Variants in CFH observed in about 807,000 individuals in gnomAD.
The protein encoded by CFH is H factor 1 (complement).
CFH carries 53 observed loss-of-function variants against 147.3 expected under a neutral mutation model. That is an observed-to-expected ratio of 0.36 (90% CI 0.29 to 0.45). The LOEUF (loss-of-function observed/expected upper bound fraction) is 0.45. Among genes scored for constraint, CFH ranks in the 20% least tolerant of loss-of-function variants. The pLI is 1.00. For missense variants in CFH, 1,380 were observed against 1,498.0 expected (o/e 0.92, Z 1.30); for synonymous variants, 536 against 489.4 (o/e 1.10, Z -1.26).
At chr1:196,729,678 C>T (rs1316441817) in intron 15 of CFH, among the ~76,000 whole-genome samples, 2 of 150,908 alleles carry the variant, frequency 1.3e-5, no homozygotes, top group Non-Finnish European at 3.0e-5. Context: ...TTAGTCCTTT[C>T]TAAAATGTTG....
intron 6 of CFH, among the ~76,000 whole-genome samples, chr1:196,682,703 A>T (rs769461298): frequency 9.2e-5 from 14 of 151,692 alleles, no homozygotes; most frequent in Admixed American, 2.6e-4. Context: ...TTTAGGACTT[A>T]TTTGAAGTTA....
At chr1:196,728,890 T>C (rs992469396) in intron 15 of CFH, among the ~76,000 whole-genome samples, 2 of 152,080 alleles carry the variant, frequency 1.3e-5, no homozygotes, top group African/African-American at 4.8e-5. Context: ...TTTGTATATG[T>C]CTGTATGCAT....
At chr1:196,739,498 T>A (rs1181088016) in intron 17 of CFH, among the ~76,000 whole-genome samples, 14 of 152,168 alleles carry the variant, frequency 9.2e-5, no homozygotes, top group Admixed American at 9.2e-4. Context: ...CCAGTCTCTT[T>A]GCATAGCAGG....
At chr1:196,692,785 T>TTCC (rs1558163702) in intron 9 of CFH, among the ~76,000 whole-genome samples, 3 of 105,870 alleles carry the variant, frequency 2.8e-5, no homozygotes, top group African/African-American at 1.3e-4. Flanking sequence ...TTTCTTTCTT[T>TTCC]CTTTCTTTCT....
intron 3 of CFH, among the ~76,000 whole-genome samples, chr1:196,674,579 T>C (rs149265489): frequency 7.0e-6 from 1 of 143,836 alleles, no homozygotes; most frequent in African/African-American, 2.4e-5. Flanking sequence ...AGATGAAAAA[T>C]TATTTTGGAG....
intron 9 of CFH, among the ~76,000 whole-genome samples, chr1:196,704,098 G>C (rs995434509): frequency 4.0e-5 from 6 of 151,238 alleles, no homozygotes; most frequent in Non-Finnish European, 7.4e-5. Flanking sequence ...TTTGTTTTGA[G>C]ACAGAGTCTT....
At chr1:196,663,599 TATA>T (rs1666977705) in intron 1 of CFH, among the ~76,000 whole-genome samples, 1 of 152,198 alleles carries the variant, frequency 6.6e-6, no homozygotes. Context: ...TTTTCTCCCG[TATA>T]ATGTCTTTGA....
intron 2 of CFH, chr1:196,673,480 G>A (rs773360544): frequency 1.0e-5 from 4 of 385,892 alleles, no homozygotes; most frequent in East Asian, 6.3e-5. Context: ...GGGACTATAG[G>A]CACGTGCCAC....
chr1:196,743,911 C>T (rs1216987252), intron 20 of CFH, among the ~76,000 whole-genome samples: 2 of 152,034 alleles, frequency 1.3e-5, no homozygotes, highest in East Asian at 1.9e-4. Flanking sequence ...ATAAAAGATA[C>T]ATTATGTGCA....
chr1:196,660,182 A>G (rs1052482998), intron 1 of CFH, among the ~76,000 whole-genome samples: 4 of 152,204 alleles, frequency 2.6e-5, no homozygotes, highest in African/African-American at 4.8e-5. Context: ...GTCATCAGAA[A>G]TCTGTCGTAA....
intron 7 of CFH, among the ~76,000 whole-genome samples, 190 bp from the exon 8 acceptor site, chr1:196,689,230 A>T (rs1201686066): frequency 6.6e-6 from 1 of 152,116 alleles, no homozygotes; most frequent in Non-Finnish European, 1.5e-5. Flanking sequence ...TTTCATCTTC[A>T]TTAACAAAGA....
rs970465919 is a variant in CFH, at chr1:196,713,667, A to G, written c.1337-68A>G. The G allele has an allele frequency of 1.3e-5, 13 of 985,700 alleles. No individual in the cohort carries two copies. The African/African-American group carries it at 2.1e-4, about 16-fold the overall frequency. The allele number at this position is 985,700 out of a possible 1,614,324, so 61.1% of individuals were successfully genotyped here. On this transcript the variant is annotated intron_variant, in intron 9 of 21. Coordinates refer to ENST00000367429, the MANE Select transcript of CFH (RefSeq NM_000186.4). ...GACTCATTATTTTTTATATTTACAT[A>G]TTACTTAAATTCTTATAAAATGTTA... is the stretch of plus-strand genomic sequence containing the variant.
chr1:196,714,717 A>G (rs1408904508), intron 10 of CFH, among the ~76,000 whole-genome samples: 1 of 124,432 alleles, frequency 8.0e-6, no homozygotes, highest in Non-Finnish European at 1.7e-5. Context: ...AGAGAGAGAG[A>G]GATGGAGTCT....
intron 9 of CFH, among the ~76,000 whole-genome samples, chr1:196,709,150 T>C (rs1433606603): frequency 6.6e-6 from 1 of 152,124 alleles, no homozygotes; most frequent in Non-Finnish European, 1.5e-5. Context: ...ATTTCAGCAG[T>C]CTCGCTGGAG....
At chr1:196,665,599 T>A (rs955706970) in intron 1 of CFH, among the ~76,000 whole-genome samples, 1 of 152,060 alleles carries the variant, frequency 6.6e-6, no homozygotes, top group African/African-American at 2.4e-5. Context: ...GGTTTTATTT[T>A]TTATTTATTA....
At chr1:196,705,008 A>G (rs1668551900) in intron 9 of CFH, among the ~76,000 whole-genome samples, 1 of 152,218 alleles carries the variant, frequency 6.6e-6, no homozygotes, top group Non-Finnish European at 1.5e-5. Flanking sequence ...TCTGACACTA[A>G]AGCTAAATGA....
chr1:196,669,560 C>T (rs1304495890), intron 1 of CFH, among the ~76,000 whole-genome samples: 1 of 152,206 alleles, frequency 6.6e-6, no homozygotes, highest in African/African-American at 2.4e-5. Context: ...TGGGCCATTG[C>T]TTCAGATAAT....
chr1:196,725,401 A>AT, intron 12 of CFH, 104 bp downstream of exon 12: 2 of 1,076,778 alleles, frequency 1.9e-6, no homozygotes, highest in South Asian at 2.7e-5. Context: ...AATCTAATGA[A>AT]TTAAGTCAAA....
At chr1:196,731,374 A>T (rs558691309) in intron 15 of CFH, among the ~76,000 whole-genome samples, 2 of 152,020 alleles carry the variant, frequency 1.3e-5, no homozygotes, top group South Asian at 2.1e-4. Flanking sequence ...AATTTTGATT[A>T]CATATAAAAT....
Sources: gnomAD v4.1 joint callset for allele counts (sites outside exome capture counted in the v4.1 genomes callset) on GRCh38, gnomAD v4.1.1 for gene constraint, MANE v1.5 for transcripts, NCBI Gene and HGNC (gene_info 2026-07-23, HGNC 2026-07-21) for gene names.